The following R3HDM1 variants were observed in gnomAD, a reference collection of about 807,000 sequenced individuals.
R3HDM1 encodes the protein R3H domain containing 1.
Under a neutral mutation model 141.1 loss-of-function variants are expected in R3HDM1, and 46 were observed. The ratio of observed to expected loss-of-function variants is 0.33; its 90% CI spans 0.26 to 0.42. R3HDM1 has a LOEUF of 0.42. R3HDM1 is among the 10% of genes least tolerant of loss of function. The pLI is 1.00. For synonymous variants in R3HDM1, 435 were observed against 472.9 expected (o/e 0.92, Z 1.04); for missense variants, 1,184 against 1,368.3 (o/e 0.87, Z 2.12).
chr2:135,668,663 A>C (rs536351891), intron 19 of R3HDM1, among the ~76,000 whole-genome samples: 1 of 152,312 alleles, frequency 6.6e-6, no homozygotes, highest in Non-Finnish European at 1.5e-5. Context: ...GATGGAAAAA[A>C]GTCATTGCTT....
At chr2:135,693,325 G>T (rs1348182150) in intron 21 of R3HDM1, among the ~76,000 whole-genome samples, 1 of 151,952 alleles carries the variant, frequency 6.6e-6, no homozygotes, top group Non-Finnish European at 1.5e-5. Context: ...ATAGGCCATA[G>T]TTTGCCAACT....
chr2:135,539,066 A>G (rs1427023291), intron 1 of R3HDM1, among the ~76,000 whole-genome samples: 1 of 152,148 alleles, frequency 6.6e-6, no homozygotes, highest in East Asian at 1.9e-4. Flanking sequence ...GTCCCACCGG[A>G]AGGTCTTCAG....
At chr2:135,578,461 TTA>T (rs1374574287) in intron 1 of R3HDM1, among the ~76,000 whole-genome samples, 1 of 152,184 alleles carries the variant, frequency 6.6e-6, no homozygotes, top group African/African-American at 2.4e-5. Context: ...CTATAGTTTT[TTA>T]TATGACTTTG....
At chr2:135,622,046 G>C in intron 6 of R3HDM1, 1 of 984,326 alleles carries the variant, frequency 1.0e-6, no homozygotes, top group Non-Finnish European at 1.2e-6. Context: ...TAGCATTGCA[G>C]ATCAATAGAA....
intron 19 of R3HDM1, among the ~76,000 whole-genome samples, chr2:135,663,747 C>T (rs2067068381): frequency 6.6e-6 from 1 of 152,090 alleles, no homozygotes; most frequent in South Asian, 2.1e-4. Context: ...TTGCAGAAGG[C>T]CAGGCACGGT....
At chr2:135,615,012 G>A (rs2060889312) in intron 3 of R3HDM1, among the ~76,000 whole-genome samples, 1 of 152,090 alleles carries the variant, frequency 6.6e-6, no homozygotes, top group Admixed American at 6.5e-5. Flanking sequence ...ATATTCATGT[G>A]TGCGCACACA....
intron 1 of R3HDM1, chr2:135,587,043 T>C (rs1708099789): frequency 1.1e-6 from 1 of 928,382 alleles, no homozygotes; most frequent in East Asian, 1.2e-4. Context: ...TTAAAGTGCT[T>C]GTAACAGCAA....
At chr2:135,562,215 A>G (rs1357729483) in intron 1 of R3HDM1, among the ~76,000 whole-genome samples, 1 of 152,190 alleles carries the variant, frequency 6.6e-6, no homozygotes, top group East Asian at 1.9e-4. Flanking sequence ...CGTAGGAATG[A>G]GGCGTATGGG....
chr2:135,608,550 G>C (rs547237777), intron 3 of R3HDM1, among the ~76,000 whole-genome samples: 2 of 152,122 alleles, frequency 1.3e-5, no homozygotes, highest in Non-Finnish European at 2.9e-5. Context: ...AAAGTTAACT[G>C]TTTTAAGCAT....
intron 19 of R3HDM1, among the ~76,000 whole-genome samples, chr2:135,663,920 G>A (rs1036735022): frequency 2.0e-5 from 3 of 151,732 alleles, no homozygotes; most frequent in Non-Finnish European, 2.9e-5. Context: ...TGTAATACCA[G>A]CTACTCGGGA....
chr2:135,556,243 A>T (rs1263065192), intron 1 of R3HDM1, among the ~76,000 whole-genome samples: 1 of 152,160 alleles, frequency 6.6e-6, no homozygotes, highest in African/African-American at 2.4e-5. Context: ...GGTGATGACT[A>T]AGAGCAGTGG....
At chr2:135,635,081 A>G (rs950149416) in intron 9 of R3HDM1, among the ~76,000 whole-genome samples, 7 of 152,194 alleles carry the variant, frequency 4.6e-5, no homozygotes, top group Non-Finnish European at 1.0e-4. Flanking sequence ...TCGTTACTTT[A>G]GGTCACAACT....
intron 21 of R3HDM1, among the ~76,000 whole-genome samples, chr2:135,699,117 A>G (rs1432795699): frequency 6.8e-6 from 1 of 146,128 alleles, no homozygotes; most frequent in African/African-American, 2.5e-5. Context: ...GATATTCCAA[A>G]CCCCAAAAAA....
chr2:135,689,519 T>C (rs146906454), intron 21 of R3HDM1, among the ~76,000 whole-genome samples: 111 of 152,270 alleles, frequency 7.3e-4, no homozygotes, highest in African/African-American at 2.6e-3. Flanking sequence ...ACAAAGTGAG[T>C]CTTTGTTTTG....
rs113173331 is a variant in R3HDM1, at chr2:135,660,796, A to G, written c.2029-474A>G. 1.7e-4 allele frequency among the ~76,000 whole-genome samples: 26 copies of G among 151,778 alleles called. 1 individual carries two copies. The highest frequency in any genetic ancestry group is 5.6e-4 in the African/African-American group (23 of 41,424). ...GGGAGGCAGAGGTTGCAGTGAGCCA[A>G]GATGGCAGCACTACACTCCAACCTG... is the stretch of plus-strand genomic sequence containing the variant. On this transcript the variant is annotated intron_variant, in intron 18 of 26. Transcript: ENST00000683871.
chr2:135,681,282 C>T (rs1465225700), intron 21 of R3HDM1, among the ~76,000 whole-genome samples: 3 of 152,080 alleles, frequency 2.0e-5, no homozygotes, highest in South Asian at 2.1e-4. Flanking sequence ...ACTGTGACAA[C>T]GGGTTTTGCA....
intron 1 of R3HDM1, among the ~76,000 whole-genome samples, chr2:135,567,001 G>A (rs1702939953): frequency 6.6e-6 from 1 of 151,166 alleles, no homozygotes; most frequent in Non-Finnish European, 1.5e-5. Flanking sequence ...GTAGACCCCA[G>A]CGAGATGCTT....
At chr2:135,641,366 A>C (rs534055080) in intron 14 of R3HDM1, among the ~76,000 whole-genome samples, 170 bp from the exon 15 acceptor site, 46 of 152,292 alleles carry the variant, frequency 3.0e-4, no homozygotes, top group Non-Finnish European at 5.9e-4. Context: ...GCTGTATTAA[A>C]CTTGTTCGTT....
At chr2:135,563,857 TGCAG>T (rs926450237) in intron 1 of R3HDM1, among the ~76,000 whole-genome samples, 1 of 152,212 alleles carries the variant, frequency 6.6e-6, no homozygotes, top group African/African-American at 2.4e-5. Context: ...CTCAGTGTTC[TGCAG>T]GCTGTACAGG....
Sources: gnomAD v4.1 joint callset for allele counts (sites outside exome capture counted in the v4.1 genomes callset) on GRCh38, gnomAD v4.1.1 for gene constraint, MANE v1.5 for transcripts, NCBI Gene and HGNC (gene_info 2026-07-23, HGNC 2026-07-21) for gene names.